Variants in TENM4 observed in about 807,000 individuals in gnomAD.
TENM4 encodes teneurin-4.
TENM4 carries 82 observed loss-of-function variants against 243.3 expected under a neutral mutation model. That is an observed-to-expected ratio of 0.34 (90% CI 0.28 to 0.40). The LOEUF (loss-of-function observed/expected upper bound fraction) is 0.40. Among genes scored for constraint, TENM4 ranks in the 10% least tolerant of loss-of-function variants. TENM4 has a pLI of 1.00. For missense variants in TENM4, 3,138 were observed against 3,673.3 expected, an observed-to-expected ratio of 0.85 and a Z score of 3.77; for synonymous variants, 1,412 against 1,456.3, an observed-to-expected ratio of 0.97 and a Z score of 0.69.
intron 12 of TENM4, among the ~76,000 whole-genome samples, chr11:78,849,336 G>A (rs1016564201): frequency 1.3e-5 from 2 of 152,132 alleles, no homozygotes; most frequent in Admixed American, 6.5e-5. Context: ...AAGGCAAGGG[G>A]GAAATTACAT....
At chr11:78,894,054 G>C (rs551116172) in intron 7 of TENM4, among the ~76,000 whole-genome samples, 8 of 152,310 alleles carry the variant, frequency 5.3e-5, no homozygotes, top group Non-Finnish European at 1.0e-4. Flanking sequence ...AATATGTGCT[G>C]AATACTGCTG....
chr11:79,372,576 T>A (rs12290811), intron 1 of TENM4, among the ~76,000 whole-genome samples: 26,340 of 152,146 alleles, frequency 0.17, 2,671 homozygotes, highest in African/African-American at 0.28. Context: ...AGAGAGGACT[T>A]GTAACAGAAT....
intron 6 of TENM4, among the ~76,000 whole-genome samples, chr11:79,025,355 C>T (rs978427765): frequency 6.6e-5 from 10 of 152,214 alleles, no homozygotes; most frequent in African/African-American, 9.6e-5. Context: ...TGTGGCCTAA[C>T]AGGCCCTAAG....
At chr11:79,138,694 A>G (rs1862175387) in intron 4 of TENM4, among the ~76,000 whole-genome samples, 19 of 108,610 alleles carry the variant, frequency 1.7e-4, no homozygotes, top group Non-Finnish European at 2.9e-4. Flanking sequence ...CATACATTAT[A>G]TTTATATAAA....
At chr11:79,159,216 G>C (rs895645243) in intron 3 of TENM4, among the ~76,000 whole-genome samples, 4 of 152,152 alleles carry the variant, frequency 2.6e-5, no homozygotes, top group African/African-American at 9.7e-5. Flanking sequence ...CGCTGGGTTT[G>C]GGGGTTCTTT....
At chr11:78,863,574 A>C (rs1421993405) in intron 9 of TENM4, among the ~76,000 whole-genome samples, 1 of 152,254 alleles carries the variant, frequency 6.6e-6, no homozygotes, top group African/African-American at 2.4e-5. Flanking sequence ...AATAGCCCAT[A>C]ATCATATGAA....
At position 79,089,357 on chromosome 11, in the gene TENM4, C is replaced by T. The variant is rs180761689; in HGVS notation, c.-65-19348G>A. ...CTAGCTTCCTTCTCCTCCCATTCCA[C>T]GAGCGCAAGGAAAGGGTGTTCAAGT... is the stretch of plus-strand genomic sequence containing the variant. On this transcript the variant is annotated intron_variant, in intron 4 of 33. Transcript: ENST00000278550. Among the ~76,000 whole-genome samples the T allele has an allele frequency of 2.0e-3, 304 of 152,276 alleles. 5 individuals are homozygous for T. The highest frequency in any genetic ancestry group is 0.018 in the Admixed American group (275 of 15,298).
chr11:79,142,288 G>C (rs1236189787), intron 4 of TENM4, among the ~76,000 whole-genome samples: 1 of 151,968 alleles, frequency 6.6e-6, no homozygotes, highest in East Asian at 1.9e-4. Context: ...TAAAGTTGCA[G>C]GGTACAAAAT....
At chr11:79,439,920 G>C (rs1047016040) in intron 1 of TENM4, among the ~76,000 whole-genome samples, 26 of 152,036 alleles carry the variant, frequency 1.7e-4, no homozygotes, top group Non-Finnish European at 3.5e-4. Context: ...TACCGCGGCC[G>C]GGCGCCCGGT....
At chr11:78,962,481 T>C (rs77047779) in intron 6 of TENM4, among the ~76,000 whole-genome samples, 11,267 of 142,682 alleles carry the variant, frequency 0.079, 829 homozygotes, top group African/African-American at 0.2. Context: ...CACGGGGCGA[T>C]CTACTGCACA....
intron 12 of TENM4, among the ~76,000 whole-genome samples, chr11:78,845,622 C>A (rs1238725008): frequency 6.6e-6 from 1 of 152,164 alleles, no homozygotes. Flanking sequence ...GAACAGGCGG[C>A]CTCACATTTA....
intron 6 of TENM4, among the ~76,000 whole-genome samples, chr11:78,984,164 T>C (rs1310167655): frequency 6.6e-6 from 1 of 152,172 alleles, no homozygotes; most frequent in African/African-American, 2.4e-5. Context: ...TACTTTGTAA[T>C]CTGTAATAGG....
intron 27 of TENM4, 81 bp from the exon 28 acceptor site, chr11:78,702,484 C>G: frequency 6.6e-7 from 1 of 1,517,078 alleles, no homozygotes; most frequent in Non-Finnish European, 8.8e-7. Flanking sequence ...TAGCCCATAA[C>G]AGTGTCCAAA....
intron 4 of TENM4, among the ~76,000 whole-genome samples, chr11:79,101,239 A>T (rs900007667): frequency 2.0e-5 from 3 of 152,242 alleles, no homozygotes; most frequent in South Asian, 2.1e-4. Context: ...AAATTTTCAT[A>T]AAAAATATTT....
chr11:79,133,102 A>C (rs1251520739), intron 4 of TENM4, among the ~76,000 whole-genome samples: 3 of 152,192 alleles, frequency 2.0e-5, no homozygotes, highest in African/African-American at 7.2e-5. Context: ...ATAGACCTCT[A>C]ACAAGATTAA....
chr11:79,330,331 T>C (rs117296361), intron 1 of TENM4, among the ~76,000 whole-genome samples: 2 of 152,010 alleles, frequency 1.3e-5, no homozygotes, highest in African/African-American at 4.8e-5. Context: ...GGGACTTGAG[T>C]GATGCGAAGC....
At chr11:79,412,247 T>C (rs1280369490) in intron 1 of TENM4, among the ~76,000 whole-genome samples, 1 of 152,210 alleles carries the variant, frequency 6.6e-6, no homozygotes, top group Non-Finnish European at 1.5e-5. Context: ...CACGTAAGGA[T>C]AACCAACAGG....
chr11:78,974,359 G>T (rs1367347443), intron 6 of TENM4, among the ~76,000 whole-genome samples: 1 of 152,176 alleles, frequency 6.6e-6, no homozygotes, highest in Non-Finnish European at 1.5e-5. Context: ...GAGGGTAATA[G>T]CCATCACCCT....
intron 9 of TENM4, among the ~76,000 whole-genome samples, chr11:78,876,967 C>T (rs1336866818): frequency 6.6e-6 from 1 of 152,164 alleles, no homozygotes; most frequent in African/African-American, 2.4e-5. Flanking sequence ...CTGGACTGGG[C>T]CCTTTGCAGA....
Sources: gnomAD v4.1 joint callset for allele counts (sites outside exome capture counted in the v4.1 genomes callset) on GRCh38, gnomAD v4.1.1 for gene constraint, MANE v1.5 for transcripts, NCBI Gene and HGNC (gene_info 2026-07-23, HGNC 2026-07-21) for gene names.